Variants in HS6ST3 observed in about 807,000 individuals in gnomAD.
HS6ST3 encodes heparan-sulfate 6-O-sulfotransferase 3.
Under a neutral mutation model 36.7 loss-of-function variants are expected in HS6ST3, and 12 were observed. The ratio of observed to expected loss-of-function variants is 0.33; its 90% CI spans 0.21 to 0.53. The LOEUF (loss-of-function observed/expected upper bound fraction) is 0.53, where lower values mean the gene tolerates loss of function less well. Ranked by LOEUF, HS6ST3 falls within the 20% of genes least tolerant of loss-of-function variation. The probability of loss-of-function intolerance (pLI) is 0.95; values close to 1 mark genes in which losing one functional copy is unlikely to be tolerated. For missense variants in HS6ST3, 584 were observed against 640.9 expected (o/e 0.91, Z 0.96); for synonymous variants, 240 against 257.5 (o/e 0.93, Z 0.65).
chr13:96,267,863 T>C (rs1227096780), intron 1 of HS6ST3, among the ~76,000 whole-genome samples: 1 of 151,890 alleles, frequency 6.6e-6, no homozygotes, highest in African/African-American at 2.4e-5. Flanking sequence ...GGGCTTATCA[T>C]GTGAGGATCT....
chr13:96,135,704 G>T (rs1431688209), intron 1 of HS6ST3, among the ~76,000 whole-genome samples: 1 of 152,194 alleles, frequency 6.6e-6, no homozygotes, highest in African/African-American at 2.4e-5. Flanking sequence ...TTGTTAGGGA[G>T]GTGTTGTGCC....
intron 1 of HS6ST3, among the ~76,000 whole-genome samples, chr13:96,560,440 A>G (rs2056257654): frequency 6.6e-6 from 1 of 152,146 alleles, no homozygotes; most frequent in Admixed American, 6.5e-5. Context: ...AAAAACTGGA[A>G]GCATTCCCCT....
intron 1 of HS6ST3, among the ~76,000 whole-genome samples, chr13:96,426,316 C>A (rs1236517436): frequency 6.6e-6 from 1 of 152,124 alleles, no homozygotes. Flanking sequence ...TAGGAGGAAG[C>A]ATCAAAGTGC....
intron 1 of HS6ST3, among the ~76,000 whole-genome samples, chr13:96,409,470 T>C (rs2139461256): frequency 6.6e-6 from 1 of 152,366 alleles, no homozygotes; most frequent in African/African-American, 2.4e-5. Flanking sequence ...GTTAAACTTA[T>C]GACTCCTGGG....
rs546307549 is a variant in HS6ST3 at position 96,217,184 on chromosome 13, A to G, written c.707+125615A>G. On this transcript the variant is annotated intron_variant, in intron 1 of 1. Transcript: ENST00000376705. ...GCAACCTATTTTGAACGTCATATCT[A>G]TTCTGAAAAGCCGGGGGTCTGACAG... 2.0e-5 allele frequency among the ~76,000 whole-genome samples: 3 copies of G among 152,292 alleles called. No homozygotes were observed. The East Asian group carries it at 5.8e-4, about 29-fold the overall frequency.
At chr13:96,384,668 C>T (rs1180200693) in intron 1 of HS6ST3, among the ~76,000 whole-genome samples, 1 of 152,134 alleles carries the variant, frequency 6.6e-6, no homozygotes, top group African/African-American at 2.4e-5. Flanking sequence ...ACATGGAACT[C>T]AGGCTTTGTG....
At position 96,474,382 on chromosome 13, in the gene HS6ST3, A is replaced by C. The variant is rs188531977; in HGVS notation, c.708-358108A>C. Among the ~76,000 whole-genome samples, 3 of 152,294 alleles carry C rather than the reference A, an allele frequency of 2.0e-5. No homozygotes were observed. In the East Asian group the frequency reaches 5.8e-4, roughly 29 times the overall value. On this transcript the variant is annotated intron_variant, in intron 1 of 1. Transcript: ENST00000376705. ...TAGGGACTGGCGTGACTGTGTTCAA[A>C]CGGATAGGAAATGTTTAAAAATAAA...
intron 1 of HS6ST3, among the ~76,000 whole-genome samples, chr13:96,219,926 C>G (rs929647812): frequency 2.6e-5 from 4 of 152,184 alleles, no homozygotes; most frequent in Non-Finnish European, 5.9e-5. Context: ...TCGTGATCTG[C>G]CCACCTCGGC....
intron 1 of HS6ST3, among the ~76,000 whole-genome samples, chr13:96,623,754 A>G (rs2056503072): frequency 6.6e-6 from 1 of 152,182 alleles, no homozygotes; most frequent in South Asian, 2.1e-4. Context: ...CCAGTGGTAT[A>G]CAGGGTGCCC....
At chr13:96,464,995 C>T (rs1401123966) in intron 1 of HS6ST3, among the ~76,000 whole-genome samples, 1 of 145,544 alleles carries the variant, frequency 6.9e-6, no homozygotes, top group Non-Finnish European at 1.5e-5. Context: ...TGTGCATGCC[C>T]ACACACGAGG....
chr13:96,169,954 T>G (rs2054179847), intron 1 of HS6ST3: 1 of 152,246 alleles, frequency 6.6e-6, no homozygotes, highest in Admixed American at 6.5e-5. Context: ...CAGTCTGTTT[T>G]GTTTATTTAC....
At chr13:96,802,259 G>A (rs1878095714) in intron 1 of HS6ST3, among the ~76,000 whole-genome samples, 1 of 152,084 alleles carries the variant, frequency 6.6e-6, no homozygotes, top group Non-Finnish European at 1.5e-5. Flanking sequence ...CTGGAAACCA[G>A]AAGAAAATCA....
chr13:96,669,299 G>A (rs182421302), intron 1 of HS6ST3, among the ~76,000 whole-genome samples: 32 of 152,266 alleles, frequency 2.1e-4, no homozygotes, highest in East Asian at 3.9e-4. Context: ...TGGCACTGTA[G>A]TGCACTGTGC....
chr13:96,611,752 T>G (rs2056457703), intron 1 of HS6ST3, among the ~76,000 whole-genome samples: 2 of 152,138 alleles, frequency 1.3e-5, no homozygotes, highest in African/African-American at 4.8e-5. Flanking sequence ...CATCAAATTA[T>G]GAAGATTCAG....
intron 1 of HS6ST3, among the ~76,000 whole-genome samples, chr13:96,227,604 T>G (rs919576468): frequency 2.0e-5 from 3 of 152,254 alleles, no homozygotes; most frequent in Non-Finnish European, 4.4e-5. Context: ...AACTGATTTC[T>G]ATCCTGCAGT....
chr13:96,486,911 A>G (rs2138902361), intron 1 of HS6ST3, among the ~76,000 whole-genome samples: 1 of 152,256 alleles, frequency 6.6e-6, no homozygotes, highest in African/African-American at 2.4e-5. Flanking sequence ...AGACTTCATC[A>G]ATAGAAAAAA....
chr13:96,633,775 C>T lies in HS6ST3; in HGVS notation c.708-198715C>T, dbSNP rs975719706. Among the ~76,000 whole-genome samples, 10 of 152,134 alleles carry T rather than the reference C, an allele frequency of 6.6e-5. No homozygotes were observed. The South Asian group carries it at 2.1e-3, about 32-fold the overall frequency. ...TAAGGTGATGCAAGAAATGCTGCAT[C>T]AAGAACAGGCAGAATGGGAACGACA... On this transcript the variant is annotated intron_variant, in intron 1 of 1. Coordinates refer to ENST00000376705, the MANE Select transcript of HS6ST3 (RefSeq NM_153456.4).
intron 1 of HS6ST3, among the ~76,000 whole-genome samples, chr13:96,724,427 G>A (rs967432237): frequency 1.3e-5 from 2 of 152,126 alleles, no homozygotes; most frequent in East Asian, 1.9e-4. Context: ...TAACATATGT[G>A]TGCATCATGA....
At chr13:96,273,887 T>A (rs1367428249) in intron 1 of HS6ST3, among the ~76,000 whole-genome samples, 2 of 151,560 alleles carry the variant, frequency 1.3e-5, no homozygotes, top group Non-Finnish European at 2.9e-5. Flanking sequence ...CTTCTGACTC[T>A]ATGTCTTTCT....
Sources: gnomAD v4.1 joint callset for allele counts (sites outside exome capture counted in the v4.1 genomes callset) on GRCh38, gnomAD v4.1.1 for gene constraint, MANE v1.5 for transcripts, NCBI Gene and HGNC (gene_info 2026-07-23, HGNC 2026-07-21) for gene names.